PRKCG: variants seen among roughly 807,000 people sequenced by gnomAD.
PRKCG encodes the protein protein kinase C gamma type.
PRKCG carries 28 observed loss-of-function variants against 82.0 expected under a neutral mutation model. That is an observed-to-expected ratio of 0.34 (90% CI 0.25 to 0.47). PRKCG has a LOEUF of 0.47. PRKCG is among the 20% of genes least tolerant of loss of function. The pLI is 1.00. For synonymous variants in PRKCG, 383 were observed against 376.6 expected, an observed-to-expected ratio of 1.02 and a Z score of -0.20; for missense variants, 640 against 952.7, an observed-to-expected ratio of 0.67 and a Z score of 4.32.
intron 3 of PRKCG, among the ~76,000 whole-genome samples, chr19:53,886,748 C>T (rs2068634347): frequency 6.6e-6 from 1 of 152,176 alleles, no homozygotes; most frequent in Non-Finnish European, 1.5e-5. Context: ...TGGATCCACA[C>T]AACAGCTTAT....
rs1305071343 is a variant in PRKCG, at chr19:53,907,217, C to T, written c.*322C>T. On this transcript the variant is annotated 3_prime_UTR_variant, in exon 18 of 18. Coordinates refer to ENST00000263431, the MANE Select transcript of PRKCG (RefSeq NM_002739.5). ...AACTCCATGGGGTTCGAGACTCCATCTTGGTAGTTCTGTGCCTCCCCCCAG... is the reference window on the plus strand; with the variant it reads ...AACTCCATGGGGTTCGAGACTCCATTTTGGTAGTTCTGTGCCTCCCCCCAG... 5 of 460,284 alleles carry T rather than the reference C, an allele frequency of 1.1e-5. No individual in the cohort carries two copies. Among genetic ancestry groups the T allele is most frequent in the East Asian group, 4.3e-5 (1 of 23,270 alleles). The allele number at this position is 460,284 out of a possible 1,614,324, so 28.5% of individuals were successfully genotyped here.
chr19:53,887,497 C>CA lies in PRKCG; in HGVS notation c.286-2103dup, dbSNP rs71189894. 1.6e-3 allele frequency among the ~76,000 whole-genome samples: 24 copies of CA among 14,712 alleles called. 5 individuals are homozygous for CA. Among genetic ancestry groups the CA allele is most frequent in the Non-Finnish European group, 2.2e-3 (16 of 7,320 alleles). 9.7% of individuals were successfully genotyped at this position (14,712 alleles called of 152,430 possible). ...GGGCAGCAAGAACAAAACTCTGTCTCAAAAAAAAAAAAAAAAAAAAAAAAA... is the reference window on the plus strand; with the variant it reads ...GGGCAGCAAGAACAAAACTCTGTCTCAAAAAAAAAAAAAAAAAAAAAAAAAA... On this transcript the variant is annotated intron_variant, in intron 3 of 17. Coordinates refer to ENST00000263431, the MANE Select transcript of PRKCG (RefSeq NM_002739.5).
chr19:53,904,013 A>T (rs1388818712), intron 15 of PRKCG, among the ~76,000 whole-genome samples: 1 of 152,156 alleles, frequency 6.6e-6, no homozygotes, highest in East Asian at 1.9e-4. Flanking sequence ...ATGAGAAAAT[A>T]CCTGTGATTA....
intron 5 of PRKCG, among the ~76,000 whole-genome samples, chr19:53,890,791 G>A (rs2068669607): frequency 7.3e-6 from 1 of 137,828 alleles, no homozygotes; most frequent in Non-Finnish European, 1.5e-5. Flanking sequence ...TCGCTCTGTT[G>A]CCCAGGCTGG....
Position 53,889,244 on chromosome 19 carries a change from G to A in PRKCG, c.286-394G>A, listed in dbSNP as rs754713477. Among the ~76,000 whole-genome samples the A allele has an allele frequency of 2.6e-5, 4 of 151,896 alleles. No homozygotes were observed. The highest frequency in any genetic ancestry group is 5.9e-5 in the Non-Finnish European group (4 of 67,996). ...GCTGGGATTACAGGCATGAGCCACC[G>A]CACCCAGCCAGGACCACCGTATTTA... On this transcript the variant is annotated intron_variant, in intron 3 of 17. Coordinates refer to ENST00000263431, the MANE Select transcript of PRKCG (RefSeq NM_002739.5). The surrounding 1 kb of genome is among the most constrained non-coding windows in gnomAD (Gnocchi z 4.4).
chr19:53,893,293 A>G (rs998096082), intron 8 of PRKCG, 69 bp from the exon 9 acceptor site: 1 of 1,514,340 alleles, frequency 6.6e-7, no homozygotes, highest in Non-Finnish European at 9.2e-7. Flanking sequence ...ACTAGGGGCC[A>G]CCAGCCCCTG....
intron 10 of PRKCG, 61 bp downstream of exon 10, chr19:53,898,172 T>C: frequency 1.3e-6 from 2 of 1,591,616 alleles, no homozygotes; most frequent in East Asian, 2.3e-5. Context: ...AGATTTCTGG[T>C]TCTTAGGGAG....
intron 8 of PRKCG, 108 bp downstream of exon 8, chr19:53,893,183 C>A: frequency 7.8e-7 from 1 of 1,277,004 alleles, no homozygotes; most frequent in South Asian, 1.2e-5. Flanking sequence ...ACTACAGTTC[C>A]CAGAAGACCC....
In PRKCG at chr19:53,892,994, G is replaced by A. The variant is rs1265950561; in HGVS notation, c.828G>A (p.Lys276=). The change falls in exon 8 of 18, where the codon AAG becomes AAA. Residue 276 remains lysine (K), a synonymous_variant. Coordinates refer to ENST00000263431, the MANE Select transcript of PRKCG (RefSeq NM_002739.5). The surrounding 1 kb of genome is among the most constrained non-coding windows in gnomAD (Gnocchi z 5.9). ...LLKAPVDGWY[K]LLNQEEGEYY... ...GTCTCCGTCTGTATGTCAGGTACAA[G>A]TTACTGAACCAGGAGGAGGGCGAGT... is the stretch of plus-strand genomic sequence containing the variant. 1 of 1,614,050 alleles carries A rather than the reference G, an allele frequency of 6.2e-7. No individual in the cohort carries two copies.
At position 53,893,122 on chromosome 19, in the gene PRKCG, C is replaced by G. The variant is rs562461664; in HGVS notation, c.909+47C>G. ...CAAGGGAGCCCAGCCCAGCCTCCCACGGTTCAGAGCTGGCCTTTCCTTCCA... is the reference window on the plus strand; with the variant it reads ...CAAGGGAGCCCAGCCCAGCCTCCCAGGGTTCAGAGCTGGCCTTTCCTTCCA... On this transcript the variant is annotated intron_variant, in intron 8 of 17. Coordinates refer to ENST00000263431, the MANE Select transcript of PRKCG (RefSeq NM_002739.5). 2.1e-5 allele frequency: 33 copies of G among 1,553,828 alleles called. 1 individual carries two copies. In the Middle Eastern group the frequency reaches 2.9e-3, roughly 136 times the overall value.
At chr19:53,886,716 G>T (rs1455608117) in intron 3 of PRKCG, among the ~76,000 whole-genome samples, 1 of 152,126 alleles carries the variant, frequency 6.6e-6, no homozygotes, top group Non-Finnish European at 1.5e-5. Context: ...CTGGCCTCAA[G>T]TATTTTGTAT....
Position 53,884,244 on chromosome 19 carries a change from G to A in PRKCG, c.285+1G>A, listed in dbSNP as rs1344692203. On this transcript the variant is annotated splice_donor_variant, in intron 3 of 17. Transcript: ENST00000263431. LOFTEE classifies it high-confidence loss of function. This position sits in a 1 kb window ranked among gnomAD's most constrained non-coding sequence, Gnocchi z 4.6. ...CGCTGGGAAGGGCCCCCAGACGGAC[G>A]TGAGTGCTCGGACACCTGGTTCTCC... 1 of 1,613,780 alleles carries A rather than the reference G, an allele frequency of 6.2e-7. No homozygotes were observed. The highest frequency in any genetic ancestry group is 8.5e-7 in the Non-Finnish European group (1 of 1,179,994).
Position 53,883,136 on chromosome 19 carries a change from C to T in PRKCG, c.171-27C>T. 1 of 1,613,944 alleles carries T rather than the reference C, an allele frequency of 6.2e-7. No individual in the cohort carries two copies. Reference sequence around the variant, plus strand: ...GGGGGTCCAGGTACCCCTTTCTGCACTGACCTAGGATCCCTGACTCTTCCA... The same window carrying T: ...GGGGGTCCAGGTACCCCTTTCTGCATTGACCTAGGATCCCTGACTCTTCCA... On this transcript the variant is annotated intron_variant, in intron 1 of 17. Coordinates refer to ENST00000263431, the MANE Select transcript of PRKCG (RefSeq NM_002739.5). This position sits in a 1 kb window ranked among gnomAD's most constrained non-coding sequence, Gnocchi z 5.4.
At chr19:53,906,089 T>TTCTTCTTCCTCTTCTTCTTCTTCG (rs2068806891) in intron 16 of PRKCG, among the ~76,000 whole-genome samples, 1 of 80,114 alleles carries the variant, frequency 1.2e-5, no homozygotes. Context: ...CTCCTCCTTC[T>TTCTTCTTCCTCTTCTTCTTCTTCG]TCTTCTTCTT....
At chr19:53,899,789 G>A (rs2068749131) in intron 11 of PRKCG, among the ~76,000 whole-genome samples, 1 of 152,060 alleles carries the variant, frequency 6.6e-6, no homozygotes, top group Non-Finnish European at 1.5e-5. Flanking sequence ...GTTTCGCCAC[G>A]TTGGCCAGGC....
At chr19:53,894,728 G>T (rs73603615) in intron 9 of PRKCG, among the ~76,000 whole-genome samples, 18,737 of 152,158 alleles carry the variant, frequency 0.12, 2,719 homozygotes, top group African/African-American at 0.35. Context: ...CCAAAGCGCT[G>T]AGATTAGAGG....
intron 3 of PRKCG, among the ~76,000 whole-genome samples, chr19:53,885,363 G>A (rs942853683): frequency 2.6e-5 from 4 of 152,068 alleles, no homozygotes; most frequent in African/African-American, 9.7e-5. Flanking sequence ...TGAGTAGCTG[G>A]GACTACAGGC....
At chr19:53,898,196 G>A in intron 10 of PRKCG, 85 bp downstream of exon 10, 1 of 1,543,938 alleles carries the variant, frequency 6.5e-7, no homozygotes, top group Non-Finnish European at 8.8e-7. Flanking sequence ...GTGGGGGTGG[G>A]AAGAGACTGG....
chr19:53,881,474 G>C (rs558448731), upstream of PRKCG, among the ~76,000 whole-genome samples: 1 of 152,134 alleles, frequency 6.6e-6, no homozygotes, highest in East Asian at 1.9e-4. Context: ...AACAAACTCA[G>C]GGAGACAGAG....
Sources: gnomAD v4.1 joint callset for allele counts (sites outside exome capture counted in the v4.1 genomes callset) on GRCh38, gnomAD v4.1.1 for gene constraint, Gnocchi (gnomAD v3.1) non-coding constraint, MANE v1.5 for transcripts, NCBI Gene and HGNC (gene_info 2026-07-23, HGNC 2026-07-21) for gene names.